Variants in RRP12 observed in about 807,000 individuals in gnomAD.
The protein encoded by RRP12 is ribosomal RNA processing 12 homolog, also known as RRP12-like protein.
RRP12 carries 78 observed loss-of-function variants against 157.3 expected under a neutral mutation model. That is an observed-to-expected ratio of 0.50 (90% CI 0.41 to 0.60). The LOEUF is 0.60. RRP12 is among the 20% of genes least tolerant of loss of function. RRP12 has a pLI of 0.00. For missense variants in RRP12, 1,521 were observed against 1,679.9 expected (o/e 0.91, Z 1.65); for synonymous variants, 726 against 670.9 (o/e 1.08, Z -1.27).
chr10:97,392,762 G>A (rs189806912), intron 4 of RRP12, among the ~76,000 whole-genome samples: 144 of 151,374 alleles, frequency 9.5e-4, no homozygotes, highest in Non-Finnish European at 1.6e-3. Context: ...CATGATCTCA[G>A]CTCACTGCTA....
intron 25 of RRP12, chr10:97,367,455 T>G (rs1277780614): frequency 5.3e-6 from 2 of 379,278 alleles, no homozygotes; most frequent in Non-Finnish European, 9.8e-6. Flanking sequence ...TATCACCCCC[T>G]ATTTATAGAA....
chr10:97,388,037 C>T, intron 8 of RRP12: 1 of 555,360 alleles, frequency 1.8e-6, no homozygotes, highest in South Asian at 2.2e-5. Context: ...CACCCTGACT[C>T]TGACCTGATC....
chr10:97,397,992 C>CATATATATACATATACATATATATATAT (rs1564772333), intron 2 of RRP12, among the ~76,000 whole-genome samples: 2 of 42,792 alleles, frequency 4.7e-5, no homozygotes, highest in Non-Finnish European at 8.8e-5. Flanking sequence ...AAAAAAAATA[C>CATATATATACATATACATATATATATAT]GTATATATAT....
At chr10:97,388,693 A>G in intron 6 of RRP12, 69 bp from the exon 7 acceptor site, 8 of 1,578,190 alleles carry the variant, frequency 5.1e-6, no homozygotes, top group Non-Finnish European at 6.9e-6. Context: ...TGTCCGGCAC[A>G]AGCACCAACC....
intron 21 of RRP12, 21 bp downstream of exon 21, chr10:97,370,902 G>A (rs754801558): frequency 3.0e-5 from 49 of 1,613,140 alleles, no homozygotes; most frequent in East Asian, 6.7e-5. Flanking sequence ...TCGGCAGAGC[G>A]GGTGGCCCTA....
chr10:97,395,169 A>C (rs1265175120), intron 3 of RRP12, among the ~76,000 whole-genome samples: 1 of 151,834 alleles, frequency 6.6e-6, no homozygotes, highest in Non-Finnish European at 1.5e-5. Context: ...ACAACAAAAA[A>C]ACCCAAAAAC....
At chr10:97,398,039 A>ATATATATTTTT (rs1436494245) in intron 2 of RRP12, among the ~76,000 whole-genome samples, 1 of 56,034 alleles carries the variant, frequency 1.8e-5, no homozygotes, top group South Asian at 6.2e-4. Context: ...ATATATACGT[A>ATATATATTTTT]TTTTTTTTTT....
At chr10:97,356,468 G>A (rs1375871417), downstream of RRP12, 7 of 152,252 alleles carry the variant, frequency 4.6e-5, no homozygotes, top group Admixed American at 4.6e-4. Context: ...GGCAGTCCCT[G>A]GTGCTGAACT....
chr10:97,369,653 A>C lies in RRP12; in HGVS notation c.2798-71T>G, dbSNP rs189462772. The C allele has an allele frequency of 7.5e-6, 11 of 1,457,562 alleles. No homozygotes were observed. The East Asian group carries it at 2.5e-4, about 33-fold the overall frequency. 90.3% of individuals were successfully genotyped at this position (1,457,562 alleles called of 1,614,324 possible). On this transcript the variant is annotated intron_variant, in intron 24 of 33. Transcript: ENST00000370992. ...TCAGACCCAAACCTTCCCCACTGGA[A>C]AACAGCCACTCAAGTGTCAGTAAAA...
intron 20 of RRP12, 112 bp from the exon 21 acceptor site, chr10:97,371,193 ATG>A: frequency 8.7e-7 from 1 of 1,150,386 alleles, no homozygotes; most frequent in Non-Finnish European, 1.2e-6. Flanking sequence ...GTGGGGGCTC[ATG>A]TGGCTTGACA....
Position 97,379,280 on chromosome 10 carries a change from G to T in RRP12, c.1798+13C>A. 1.9e-6 allele frequency: 3 copies of T among 1,613,474 alleles called. No individual in the cohort carries two copies. In the South Asian group the frequency reaches 3.3e-5, roughly 18 times the overall value. ...GGAGCCTCAGGTCACACACAGGCAA[G>T]GGTCTCTCCTACCTTTGCTCTTCAG... On this transcript the variant is annotated intron_variant, in intron 15 of 33. Coordinates refer to ENST00000370992, the MANE Select transcript of RRP12 (RefSeq NM_015179.4).
chr10:97,378,046 T>G (rs1665115416), intron 15 of RRP12, among the ~76,000 whole-genome samples: 1 of 152,014 alleles, frequency 6.6e-6, no homozygotes, highest in South Asian at 2.1e-4. Context: ...GCCTAAGGCC[T>G]GAGTCTGCCT....
At chr10:97,362,758 ACT>A (rs1368318953) in intron 30 of RRP12, among the ~76,000 whole-genome samples, 1 of 152,148 alleles carries the variant, frequency 6.6e-6, no homozygotes, top group Non-Finnish European at 1.5e-5. Context: ...CTGACCCAAG[ACT>A]CTGGATATGT....
intron 4 of RRP12, 40 bp from the exon 5 acceptor site, chr10:97,390,884 T>C (rs1844785267): frequency 5.2e-6 from 7 of 1,351,530 alleles, no homozygotes; most frequent in Non-Finnish European, 6.4e-6. Context: ...AGAGGGTCCC[T>C]GAAGAGCAGC....
Position 97,366,604 on chromosome 10 carries a change from G to C in RRP12, c.3233C>G (p.Ala1078Gly), listed in dbSNP as rs972056618. 2 of 1,612,998 alleles carry C rather than the reference G, an allele frequency of 1.2e-6. No homozygotes were observed. The highest frequency in any genetic ancestry group is 1.7e-6 in the Non-Finnish European group (2 of 1,179,542). The change falls in exon 28 of 34, where the codon GCT becomes GGT. Residue 1078 changes from alanine (A) to glycine (G), a missense_variant. Coordinates refer to ENST00000370992, the MANE Select transcript of RRP12 (RefSeq NM_015179.4). ...GKGDSIEEIL[A>G]DSEDEEDNEE... The stretch of plus-strand genomic sequence containing the variant: ...ATTGTCCTCCTCGTCCTCTGAGTCA[G>C]CTAAAATCTCCTCAATGCTAAGGAC...
At position 97,397,064 on chromosome 10, in the gene RRP12, C is replaced by T. The variant is rs180910196; in HGVS notation, c.370-763G>A. Among the ~76,000 whole-genome samples the T allele has an allele frequency of 2.0e-5, 3 of 151,938 alleles. No homozygotes were observed. In the East Asian group the frequency reaches 5.9e-4, roughly 30 times the overall value. On this transcript the variant is annotated intron_variant, in intron 2 of 33. Transcript: ENST00000370992. ...ACAGGCATAAGCCACCATGCCTGGC[C>T]TCCCATATACTTTAAATCATCTCTA...
chr10:97,388,655 C>T (rs767303076), intron 6 of RRP12, 31 bp from the exon 7 acceptor site: 3 of 1,607,898 alleles, frequency 1.9e-6, no homozygotes, highest in Non-Finnish European at 8.5e-7. Flanking sequence ...GAGACAAGGC[C>T]AGATCAGCGT....
intron 3 of RRP12, among the ~76,000 whole-genome samples, chr10:97,395,489 T>G (rs548753284): frequency 1.3e-5 from 2 of 151,082 alleles, no homozygotes; most frequent in African/African-American, 4.9e-5. Flanking sequence ...GAGACAGAGG[T>G]TGCAGTGAAC....
intron 33 of RRP12, among the ~76,000 whole-genome samples, chr10:97,357,715 T>C (rs1050996891): frequency 1.3e-5 from 2 of 152,136 alleles, no homozygotes; most frequent in Admixed American, 6.6e-5. Flanking sequence ...TCCCAGCACT[T>C]TGGGAGGCCG....
Sources: gnomAD v4.1 joint callset for allele counts (sites outside exome capture counted in the v4.1 genomes callset) on GRCh38, gnomAD v4.1.1 for gene constraint, MANE v1.5 for transcripts, NCBI Gene and HGNC (gene_info 2026-07-23, HGNC 2026-07-21) for gene names.